YTHDC2: variants seen among roughly 807,000 people sequenced by gnomAD.
The protein encoded by YTHDC2 is 3'-5' RNA helicase YTHDC2.
YTHDC2 carries 45 observed loss-of-function variants against 174.9 expected under a neutral mutation model. That is an observed-to-expected ratio of 0.26 (90% confidence interval 0.20 to 0.33). YTHDC2 has a LOEUF of 0.33. Among genes scored for constraint, YTHDC2 ranks in the 10% least tolerant of loss-of-function variants. The pLI is 1.00. For missense variants in YTHDC2, 1,650 were observed against 1,723.7 expected (o/e 0.96, Z 0.76); for synonymous variants, 657 against 574.5 (o/e 1.14, Z -2.05).
At chr5:113,574,106 G>A (rs1489163024) in intron 23 of YTHDC2, among the ~76,000 whole-genome samples, 1 of 152,098 alleles carries the variant, frequency 6.6e-6, no homozygotes, top group Non-Finnish European at 1.5e-5. Flanking sequence ...ATCTACCTTT[G>A]ATCTTTGAGG....
In YTHDC2 at chr5:113,532,899, T is replaced by C. The variant is rs772166937; in HGVS notation, c.696T>C (p.Asp232=). ...TTCAGATTCCTCAGTTCCTTTTAGA[T>C]GATTGCTTTAAAAATGGTATCCCCT... The part of the protein sequence containing the change: ...KTTQIPQFLL[D]DCFKNGIPCR... The change falls in exon 5 of 30, where the codon GAT becomes GAC. Residue 232 remains aspartate, a synonymous_variant. Coordinates refer to ENST00000161863, the MANE Select transcript of YTHDC2 (RefSeq NM_022828.5). The C allele has an allele frequency of 6.2e-7, 1 of 1,613,134 alleles. No individual in the cohort carries two copies. Among genetic ancestry groups the C allele is most frequent in the South Asian group, 1.1e-5 (1 of 90,916 alleles).
At chr5:113,561,508 G>C (rs187176075) in intron 18 of YTHDC2, among the ~76,000 whole-genome samples, 2,764 of 133,462 alleles carry the variant, frequency 0.021, 39 homozygotes, top group Non-Finnish European at 0.031. Context: ...TTGCTTTGTT[G>C]CCCAGGCTAG....
intron 26 of YTHDC2, among the ~76,000 whole-genome samples, chr5:113,588,382 G>C (rs1778809264): frequency 6.6e-6 from 1 of 151,796 alleles, no homozygotes; most frequent in Non-Finnish European, 1.5e-5. Context: ...TATATTGCTG[G>C]ATATAATTTT....
intron 6 of YTHDC2, 61 bp downstream of exon 6, chr5:113,534,468 G>A: frequency 2.8e-6 from 4 of 1,447,082 alleles, no homozygotes; most frequent in Non-Finnish European, 2.9e-6. Flanking sequence ...AAATACATAT[G>A]CCGTTTCAGG....
intron 21 of YTHDC2, among the ~76,000 whole-genome samples, chr5:113,566,321 T>C (rs2112729266): frequency 6.6e-6 from 1 of 152,284 alleles, no homozygotes; most frequent in South Asian, 2.1e-4. Context: ...CTTATAGTTA[T>C]TTTCTTTTAT....
At chr5:113,590,014 G>T (rs1286759931) in intron 26 of YTHDC2, among the ~76,000 whole-genome samples, 2 of 152,194 alleles carry the variant, frequency 1.3e-5, no homozygotes, top group Non-Finnish European at 2.9e-5. Context: ...AACGGGTTCA[G>T]ATTTGTAAAG....
rs544702101 is a variant in YTHDC2, at chr5:113,524,280, C to G, written c.279-701C>G. Among the ~76,000 whole-genome samples the G allele has an allele frequency of 1.1e-4, 16 of 152,182 alleles. No homozygotes were observed. In the East Asian group the frequency reaches 2.9e-3, roughly 27 times the overall value. ...GAAATTCCTGGTATATAACACTATA[C>G]CTACTACTCTTAGAGCCGCAGAAGT... On this transcript the variant is annotated intron_variant, in intron 2 of 29. Transcript: ENST00000161863.
At position 113,591,266 on chromosome 5, in the gene YTHDC2, A is replaced by C. The variant is rs765262968; in HGVS notation, c.4029+22A>C. On this transcript the variant is annotated intron_variant, in intron 27 of 29. Coordinates refer to ENST00000161863, the MANE Select transcript of YTHDC2 (RefSeq NM_022828.5). ...CCAGGTGAGCCACCCTGAATCAGTA[A>C]AATGGGGTTGTTCTGGCTATAGGTT... is the stretch of plus-strand genomic sequence containing the variant. 14 of 1,612,334 alleles carry C rather than the reference A, an allele frequency of 8.7e-6. No individual in the cohort carries two copies. In the African/African-American group the frequency reaches 1.9e-4, roughly 22 times the overall value.
At position 113,584,457 on chromosome 5, in the gene YTHDC2, C is replaced by T. The variant is rs1414926102; in HGVS notation, c.3803C>T (p.Pro1268Leu). The part of the protein sequence containing the change: ...SSSYPSPCAS[P>L]SPPSSGKGSK... ...AGTTACCCAAGTCCTTGTGCTAGTC[C>T]TTCTCCTCCATCCTCAGGAAAGGTA... The change falls in exon 26 of 30, where the codon CCT becomes CTT. Residue 1268 changes from proline (P) to leucine (L), a missense_variant. Physicochemically the swap from Pro to Leu is moderately conservative, Grantham distance 98. This residue lies in a region of YTHDC2 where 913 missense variants were observed against 940.4 expected (regional missense o/e 0.97). Transcript: ENST00000161863. The T allele has an allele frequency of 1.2e-6, 2 of 1,612,254 alleles. No individual in the cohort carries two copies. Among genetic ancestry groups the T allele is most frequent in the East Asian group, 4.5e-5 (2 of 44,834 alleles).
chr5:113,554,074 C>T, intron 16 of YTHDC2, 52 bp downstream of exon 16: 1 of 1,357,554 alleles, frequency 7.4e-7, no homozygotes, highest in African/African-American at 1.5e-5. Flanking sequence ...TTAAGTTCTA[C>T]TTCAACAAAT....
At chr5:113,562,790 T>TC (rs1262990408) in intron 18 of YTHDC2, among the ~76,000 whole-genome samples, 16 of 152,206 alleles carry the variant, frequency 1.1e-4, no homozygotes, top group African/African-American at 3.6e-4. Context: ...GGTCTCCCTC[T>TC]CCCACCCTTT....
intron 18 of YTHDC2, among the ~76,000 whole-genome samples, chr5:113,561,435 TA>T (rs1334680374): frequency 1.3e-5 from 2 of 150,564 alleles, no homozygotes; most frequent in African/African-American, 4.9e-5. Context: ...GATATATATA[TA>T]TTTTTTATCT....
At chr5:113,567,517 G>A (rs546632073) in intron 22 of YTHDC2, 137 bp from the exon 23 acceptor site, 108 of 742,016 alleles carry the variant, frequency 1.5e-4, no homozygotes, top group Non-Finnish European at 1.9e-4. Flanking sequence ...CTACATGAGC[G>A]ATGACTTGTT....
rs1037827497 is a variant in YTHDC2 at position 113,514,205 on chromosome 5, C to G, written c.187+123C>G. ...AAGAGGGAGGGAAGACCCGGGCCAC[C>G]GTCCGGGGCGGGCCTCAGCGGCGGC... On this transcript the variant is annotated intron_variant, in intron 1 of 29. Transcript: ENST00000161863. The G allele has an allele frequency of 3.2e-5, 41 of 1,292,064 alleles. No homozygotes were observed. The African/African-American group carries it at 5.3e-4, about 17-fold the overall frequency. 80.0% of individuals were successfully genotyped at this position (1,292,064 alleles called of 1,614,324 possible).
Position 113,557,148 on chromosome 5 carries a change from T to A in YTHDC2, c.2216+1014T>A, listed in dbSNP as rs138596717. ...TAAAAAACAATGAATGATTGTTAACTCTGAGAAGGAGGATTTGTGGGGTTC... is the reference window on the plus strand; with the variant it reads ...TAAAAAACAATGAATGATTGTTAACACTGAGAAGGAGGATTTGTGGGGTTC... On this transcript the variant is annotated intron_variant, in intron 17 of 29. Coordinates refer to ENST00000161863, the MANE Select transcript of YTHDC2 (RefSeq NM_022828.5). 2.4e-3 allele frequency among the ~76,000 whole-genome samples: 364 copies of A among 152,328 alleles called. 1 individual carries two copies. The highest frequency in any genetic ancestry group is 4.0e-3 in the Non-Finnish European group (269 of 68,026).
At chr5:113,565,831 G>A in intron 20 of YTHDC2, 62 bp from the exon 21 acceptor site, 1 of 1,537,576 alleles carries the variant, frequency 6.5e-7, no homozygotes, top group Non-Finnish European at 8.8e-7. Context: ...GTAGTTACTT[G>A]TTGCCTCACT....
intron 26 of YTHDC2, among the ~76,000 whole-genome samples, chr5:113,586,322 T>C (rs1348919100): frequency 6.6e-6 from 1 of 152,050 alleles, no homozygotes; most frequent in Non-Finnish European, 1.5e-5. Flanking sequence ...AAATGTCTGT[T>C]CAAATCTTAG....
intron 20 of YTHDC2, 90 bp from the exon 21 acceptor site, chr5:113,565,803 G>T (rs1777294116): frequency 1.5e-6 from 2 of 1,332,640 alleles, no homozygotes; most frequent in Non-Finnish European, 1.0e-6. Flanking sequence ...TCACGTCGAG[G>T]AATTCGTGTA....
intron 2 of YTHDC2, among the ~76,000 whole-genome samples, chr5:113,522,145 T>TTG (rs1554091419): frequency 2.9e-5 from 4 of 136,744 alleles, no homozygotes; most frequent in Non-Finnish European, 4.8e-5. Flanking sequence ...TTTTTTGTTT[T>TTG]TTTTTTTTTT....
Sources: allele counts gnomAD v4.1 joint callset (sites outside exome capture counted in the v4.1 genomes callset), GRCh38; gene constraint gnomAD v4.1.1; regional missense constraint gnomAD v4.1.1; transcripts MANE v1.5; gene names NCBI Gene and HGNC (gene_info 2026-07-23, HGNC 2026-07-21).